OVOL1: variants seen among roughly 807,000 people sequenced by gnomAD.
The protein encoded by OVOL1 is putative transcription factor Ovo-like 1.
OVOL1 carries 10 observed loss-of-function variants against 21.5 expected under a neutral mutation model. The ratio of observed to expected loss-of-function variants is 0.46; its 90% CI spans 0.29 to 0.79. OVOL1 has a LOEUF of 0.79. Among genes scored for constraint, OVOL1 ranks in the 30% least tolerant of loss-of-function variants. The probability of loss-of-function intolerance (pLI) is 0.10; values close to 1 mark genes in which losing one functional copy is unlikely to be tolerated. For synonymous variants in OVOL1, 129 were observed against 150.3 expected, an observed-to-expected ratio of 0.86 and a Z score of 1.03; for missense variants, 279 against 362.3, an observed-to-expected ratio of 0.77 and a Z score of 1.87.
intron 2 of OVOL1, 129 bp from the exon 3 acceptor site, chr11:65,794,409 C>T: frequency 9.1e-7 from 1 of 1,094,102 alleles, no homozygotes; most frequent in Non-Finnish European, 1.3e-6. Context: ...CGGCACAGAG[C>T]TGTGGTCTCT....
chr11:65,788,737 C>T, intron 1 of OVOL1: 1 of 985,482 alleles, frequency 1.0e-6, no homozygotes, highest in Non-Finnish European at 1.2e-6. Context: ...GGGGACCCCT[C>T]TTCCACCGTT....
rs1267336555 is a variant in OVOL1 at position 65,787,275 on chromosome 11, GT to G, written c.-98del. The G allele has an allele frequency of 9.0e-6, 9 of 997,732 alleles. No individual in the cohort carries two copies. In the Admixed American group the frequency reaches 1.9e-4, roughly 21 times the overall value. 61.8% of individuals were successfully genotyped at this position (997,732 alleles called of 1,614,324 possible). ...GCGCCTTAGCGACTCCTTCCCTGTT[GT>G]GCCCCCGTTCCCGGCGTTCAGCCCG... On this transcript the variant is annotated 5_prime_UTR_variant, in exon 1 of 4. Coordinates refer to ENST00000335987, the MANE Select transcript of OVOL1 (RefSeq NM_004561.4).
intron 3 of OVOL1, 134 bp downstream of exon 3, chr11:65,794,861 G>A: frequency 9.7e-7 from 1 of 1,025,696 alleles, no homozygotes; most frequent in East Asian, 2.5e-5. Context: ...CAGGGCCAAA[G>A]TCCTCCTGAG....
chr11:65,789,212 C>A, intron 1 of OVOL1: 1 of 379,172 alleles, frequency 2.6e-6, no homozygotes, highest in Non-Finnish European at 3.6e-6. Context: ...TTTTCTCTGC[C>A]ACACTTCCAG....
Position 65,787,441 on chromosome 11 carries a change from C to T in OVOL1, c.68C>T (p.Pro23Leu), listed in dbSNP as rs751331599. The change falls in exon 1 of 4, where the codon CCC (proline) becomes CTC (leucine). Residue 23 changes from proline to leucine, a missense_variant. Transcript: ENST00000335987. ...TGCAAGAGGAACTGGAGCGAGCTCCCCGACGAGGAGCGCGGCGAGATCTAC... is the reference window on the plus strand; with the variant it reads ...TGCAAGAGGAACTGGAGCGAGCTCCTCGACGAGGAGCGCGGCGAGATCTAC... The part of the protein sequence containing the change: ...STCKRNWSEL[P>L]DEERGEIYVP... 8.8e-6 allele frequency: 14 copies of T among 1,589,442 alleles called. 1 individual carries two copies. The South Asian group carries it at 1.6e-4, about 18-fold the overall frequency.
chr11:65,787,268 C>A lies in OVOL1; in HGVS notation c.-106C>A. The A allele has an allele frequency of 1.1e-6, 1 of 918,896 alleles. No individual in the cohort carries two copies. Among genetic ancestry groups the A allele is most frequent in the Non-Finnish European group, 1.7e-6 (1 of 598,404 alleles). The allele number at this position is 918,896 out of a possible 1,614,324, so 56.9% of individuals were successfully genotyped here. A position where few individuals can be genotyped will look rare whatever the true frequency, so the allele number is the denominator to read the frequency against. The stretch of plus-strand genomic sequence containing the variant: ...CGTGGGGGCGCCTTAGCGACTCCTT[C>A]CCTGTTGTGCCCCCGTTCCCGGCGT... On this transcript the variant is annotated 5_prime_UTR_variant, in exon 1 of 4. Transcript: ENST00000335987.
intron 1 of OVOL1, 174 bp from the exon 2 acceptor site, chr11:65,793,857 G>A (rs1353845249): frequency 5.0e-6 from 3 of 605,764 alleles, no homozygotes; most frequent in Non-Finnish European, 8.8e-6. Context: ...TACCTTAATA[G>A]GGCGGGAAGG....
At position 65,794,170 on chromosome 11, in the gene OVOL1, C is replaced by T; in HGVS notation, c.240C>T (p.Ala80=). 2 of 1,613,736 alleles carry T rather than the reference C, an allele frequency of 1.2e-6. No individual in the cohort carries two copies. The highest frequency in any genetic ancestry group is 8.5e-7 in the Non-Finnish European group (1 of 1,180,012). ...YSMAPGPCVV[A]QLPSEDMGHL... ...TGGCCCCCGGGCCCTGTGTGGTGGC[C>T]CAGCTGCCCTCTGAAGACATGGGCC... Residue 80 remains alanine (A), a synonymous_variant, in exon 2 of 4, where the codon GCC becomes GCT. Transcript: ENST00000335987.
At chr11:65,788,917 A>C in intron 1 of OVOL1, 4 of 986,508 alleles carry the variant, frequency 4.1e-6, no homozygotes, top group Non-Finnish European at 4.8e-6. Context: ...CTGGTTCTCT[A>C]CCTGGGGGTT....
At position 65,795,372 on chromosome 11, in the gene OVOL1, G is replaced by C; in HGVS notation, c.*31G>C. On this transcript the variant is annotated 3_prime_UTR_variant, in exon 4 of 4. Coordinates refer to ENST00000335987, the MANE Select transcript of OVOL1 (RefSeq NM_004561.4). The surrounding 1 kb of genome is among the most constrained non-coding windows in gnomAD (Gnocchi z 5.7). ...TCGAGCCCTGGGGGTGCTCCTGGAA[G>C]CCCCAAGAGCATCCAGGATTGCCTC... 1 of 1,538,554 alleles carries C rather than the reference G, an allele frequency of 6.5e-7. No individual in the cohort carries two copies. The highest frequency in any genetic ancestry group is 8.7e-7 in the Non-Finnish European group (1 of 1,144,310).
chr11:65,795,050 G>A lies in OVOL1; in HGVS notation c.513G>A (p.Val171=). The change falls in exon 4 of 4, where the codon GTG becomes GTA. Residue 171 remains valine, a synonymous_variant. Coordinates refer to ENST00000335987, the MANE Select transcript of OVOL1 (RefSeq NM_004561.4). The surrounding 1 kb of genome is among the most constrained non-coding windows in gnomAD (Gnocchi z 5.7). ...TGGCCCCTGTCCTCCCCACAGGCGT[G>A]CGGCCCTACAAGTGCAGCCTGTGTG... ...LKRHVRTHTG[V]RPYKCSLCDK... is the part of the protein sequence containing the mutation. 1 of 1,612,262 alleles carries A rather than the reference G, an allele frequency of 6.2e-7. No individual in the cohort carries two copies. The highest frequency in any genetic ancestry group is 2.2e-5 in the East Asian group (1 of 44,876).
At position 65,795,129 on chromosome 11, in the gene OVOL1, G is replaced by A; in HGVS notation, c.592G>A (p.Gly198Ser). The change falls in exon 4 of 4, where the codon GGT becomes AGT. Residue 198 changes from glycine (G) to serine (S), a missense_variant. Physicochemically the swap from Gly to Ser is moderately conservative, Grantham distance 56. Transcript: ENST00000335987. The surrounding 1 kb of genome is among the most constrained non-coding windows in gnomAD (Gnocchi z 5.7). ...GGAGTCTCACCTCAAGAAGATCCATGGTGTGCAGCAGAAGTACGCGTACAA... is the reference window on the plus strand; with the variant it reads ...GGAGTCTCACCTCAAGAAGATCCATAGTGTGCAGCAGAAGTACGCGTACAA... ...SLESHLKKIHGVQQKYAYKER... is the reference protein window; with the variant it reads ...SLESHLKKIHSVQQKYAYKER... 6.2e-7 allele frequency: 1 copy of A among 1,613,894 alleles called. No individual in the cohort carries two copies. Among genetic ancestry groups the A allele is most frequent in the South Asian group, 1.1e-5 (1 of 91,086 alleles).
chr11:65,794,376 A>G (rs1307427363), intron 2 of OVOL1, 128 bp downstream of exon 2: 1 of 1,095,920 alleles, frequency 9.1e-7, no homozygotes, highest in African/African-American at 1.5e-5. Context: ...GTTTCTGCAG[A>G]GGAGTGCCGA....
rs1016289291 is a variant in OVOL1 at position 65,794,928 on chromosome 11, C to T, written c.509-118C>T. 7 of 1,111,210 alleles carry T rather than the reference C, an allele frequency of 6.3e-6. No homozygotes were observed. The African/African-American group carries it at 9.3e-5, about 15-fold the overall frequency. 68.8% of individuals were successfully genotyped at this position (1,111,210 alleles called of 1,614,324 possible). On this transcript the variant is annotated intron_variant, in intron 3 of 3. Coordinates refer to ENST00000335987, the MANE Select transcript of OVOL1 (RefSeq NM_004561.4). Reference sequence around the variant, plus strand: ...ACTCGGGAAGTTGGTGTTGGACAGGCCTCCGTCCATCCCTTGGCCCTAGAG... The same window carrying T: ...ACTCGGGAAGTTGGTGTTGGACAGGTCTCCGTCCATCCCTTGGCCCTAGAG...
chr11:65,790,241 G>A (rs577746083), intron 1 of OVOL1: 1 of 152,402 alleles, frequency 6.6e-6, no homozygotes, highest in South Asian at 2.1e-4. Flanking sequence ...CCCATGCTGA[G>A]TGAAATCTCC....
At position 65,796,217 on chromosome 11, in the gene OVOL1, A is replaced by G. The variant is rs1175058413; in HGVS notation, c.*876A>G. On this transcript the variant is annotated 3_prime_UTR_variant, in exon 4 of 4. Transcript: ENST00000335987. Reference sequence around the variant, plus strand: ...GCCCCAACCCACCCCCGTTCTTTGTACGTGCTGAGACAGCCACTAGAAGAT... The same window carrying G: ...GCCCCAACCCACCCCCGTTCTTTGTGCGTGCTGAGACAGCCACTAGAAGAT... 6.6e-6 allele frequency: 1 copy of G among 152,516 alleles called. No individual in the cohort carries two copies. The highest frequency in any genetic ancestry group is 1.5e-5 in the Non-Finnish European group (1 of 68,072). 9.4% of individuals were successfully genotyped at this position (152,516 alleles called of 1,614,324 possible).
In OVOL1 at chr11:65,795,452, C is replaced by A; in HGVS notation, c.*111C>A. 9.7e-7 allele frequency: 1 copy of A among 1,026,444 alleles called. No individual in the cohort carries two copies. Among genetic ancestry groups the A allele is most frequent in the Non-Finnish European group, 1.4e-6 (1 of 702,154 alleles). The allele number at this position is 1,026,444 out of a possible 1,614,324, so 63.6% of individuals were successfully genotyped here. A position where few individuals can be genotyped will look rare whatever the true frequency, so the allele number is the denominator to read the frequency against. On this transcript the variant is annotated 3_prime_UTR_variant, in exon 4 of 4. Transcript: ENST00000335987. The surrounding 1 kb of genome is among the most constrained non-coding windows in gnomAD (Gnocchi z 5.7). ...AACCTCTCACCCGAACACCAGTGAT[C>A]AGGACTGGAGCCCCCGTGCCTTGGT... is the stretch of plus-strand genomic sequence containing the variant.
At chr11:65,789,683 A>C in intron 1 of OVOL1, 3 of 985,230 alleles carry the variant, frequency 3.0e-6, no homozygotes, top group Non-Finnish European at 3.6e-6. Flanking sequence ...CGTTCACCTC[A>C]CAGATTCCTG....
At chr11:65,787,519 C>G (rs776722274) in intron 1 of OVOL1, 46 bp downstream of exon 1, 13 of 1,250,316 alleles carry the variant, frequency 1.0e-5, no homozygotes, top group Non-Finnish European at 1.1e-5. Flanking sequence ...GCGGCGGCGT[C>G]GAGGCTGCGG....
Sources: gnomAD v4.1 joint callset for allele counts on GRCh38, gnomAD v4.1.1 for gene constraint, Gnocchi (gnomAD v3.1) non-coding constraint, MANE v1.5 for transcripts, NCBI Gene and HGNC (gene_info 2026-07-23, HGNC 2026-07-21) for gene names.